ZEB2: variants seen among roughly 807,000 people sequenced by gnomAD.
ZEB2 encodes the protein zinc finger E-box-binding homeobox 2.
ZEB2 carries 6 observed loss-of-function variants against 99.9 expected under a neutral mutation model. That is an observed-to-expected ratio of 0.06 (90% CI 0.03 to 0.12). The LOEUF is 0.12. ZEB2 is among the 10% of genes least tolerant of loss of function. The pLI is 1.00. For missense variants in ZEB2, 969 were observed against 1,502.8 expected, an observed-to-expected ratio of 0.64 and a Z score of 5.87; for synonymous variants, 517 against 542.5, an observed-to-expected ratio of 0.95 and a Z score of 0.65.
At chr2:144,407,907 A>G (rs974280000) in intron 4 of ZEB2, among the ~76,000 whole-genome samples, 2 of 152,236 alleles carry the variant, frequency 1.3e-5, no homozygotes, top group African/African-American at 4.8e-5. Flanking sequence ...CTATCTTTGC[A>G]TGAATTTTCA....
chr2:144,433,930 C>T (rs2149892988), intron 2 of ZEB2, among the ~76,000 whole-genome samples: 2 of 152,302 alleles, frequency 1.3e-5, no homozygotes, highest in Admixed American at 1.3e-4. Flanking sequence ...AATGGCCTAT[C>T]ATAGCATTTA....
chr2:144,390,463 T>A (rs1703141408), intron 9 of ZEB2: 2 of 291,222 alleles, frequency 6.9e-6, no homozygotes, highest in Admixed American at 1.0e-4. Context: ...GGCATGTATA[T>A]CCTCTGCTTG....
chr2:144,512,722 A>G, intron 2 of ZEB2: 1 of 1,287,178 alleles, frequency 7.8e-7, no homozygotes, highest in Non-Finnish European at 1.0e-6. Context: ...GCATGTTTCT[A>G]CCCCAATTGG....
At position 144,417,021 on chromosome 2, in the gene ZEB2, C is replaced by T. The variant is rs112176445; in HGVS notation, c.403+7775G>A. Among the ~76,000 whole-genome samples, 493 of 152,314 alleles carry T rather than the reference C, an allele frequency of 3.2e-3. 1 individual carries two copies. Among genetic ancestry groups the T allele is most frequent in the Middle Eastern group, 6.8e-3 (2 of 294 alleles). On this transcript the variant is annotated intron_variant, in intron 4 of 9. Coordinates refer to ENST00000627532, the MANE Select transcript of ZEB2 (RefSeq NM_014795.4). ...CGCTAACGTTGCACTAAATATTTTA[C>T]ATGCATTTCGTATTCGTCTACCACT...
chr2:144,429,005 A>G (rs2149890775), intron 3 of ZEB2: 1 of 152,352 alleles, frequency 6.6e-6, no homozygotes, highest in South Asian at 2.1e-4. Context: ...CACAGGAATA[A>G]GATTTCTTGT....
chr2:144,444,294 A>C (rs1197209287), intron 2 of ZEB2, among the ~76,000 whole-genome samples: 1 of 152,214 alleles, frequency 6.6e-6, no homozygotes, highest in Admixed American at 6.5e-5. Context: ...TTAGAATACT[A>C]TACACAAACT....
rs942169356 is a variant in ZEB2 at position 144,412,099 on chromosome 2, A to C, written c.404-7075T>G. 2.6e-5 allele frequency among the ~76,000 whole-genome samples: 4 copies of C among 152,202 alleles called. No homozygotes were observed. The South Asian group carries it at 8.3e-4, about 31-fold the overall frequency. On this transcript the variant is annotated intron_variant, in intron 4 of 9. Coordinates refer to ENST00000627532, the MANE Select transcript of ZEB2 (RefSeq NM_014795.4). ...AGCCTGACCAACATGGAGAAACACC[A>C]TCTCTACTAAAAATACAAAATTAGC... is the stretch of plus-strand genomic sequence containing the variant.
intron 2 of ZEB2, chr2:144,511,303 A>ATCTTT: frequency 1.1e-6 from 1 of 876,024 alleles, no homozygotes; most frequent in Non-Finnish European, 1.5e-6. Context: ...ACACGCATGG[A>ATCTTT]TGGCTTTTCT....
chr2:144,511,630 T>A (rs762373427), intron 2 of ZEB2: 1 of 1,286,728 alleles, frequency 7.8e-7, no homozygotes. Context: ...TTCAATAGAT[T>A]TTCCAAGTGG....
intron 2 of ZEB2, among the ~76,000 whole-genome samples, chr2:144,459,099 AC>A (rs1411741385): frequency 6.6e-6 from 1 of 152,182 alleles, no homozygotes; most frequent in Non-Finnish European, 1.5e-5. Context: ...CATAGCATAC[AC>A]AAATAGAAAT....
At chr2:144,473,569 T>C (rs532347355) in intron 2 of ZEB2, among the ~76,000 whole-genome samples, 2 of 152,224 alleles carry the variant, frequency 1.3e-5, no homozygotes, top group East Asian at 1.9e-4. Flanking sequence ...AGTAGTCTAG[T>C]AGCTGAAATA....
chr2:144,443,190 A>AT (rs1350121148), intron 2 of ZEB2, among the ~76,000 whole-genome samples: 6 of 152,160 alleles, frequency 3.9e-5, no homozygotes, highest in Non-Finnish European at 7.4e-5. Flanking sequence ...TAATTTAAAA[A>AT]TAAATCTTAA....
intron 2 of ZEB2, among the ~76,000 whole-genome samples, chr2:144,446,710 CACCGT>C (rs1703989994): frequency 6.6e-6 from 1 of 151,850 alleles, no homozygotes; most frequent in Non-Finnish European, 1.5e-5. Flanking sequence ...GACTCATGGG[CACCGT>C]ACCAAAGACT....
intron 2 of ZEB2, among the ~76,000 whole-genome samples, chr2:144,489,746 A>T (rs944723310): frequency 2.0e-4 from 30 of 152,378 alleles, no homozygotes; most frequent in Non-Finnish European, 4.0e-4. Context: ...AAACACAAAC[A>T]GGGCACGTTC....
chr2:144,485,775 C>T (rs916874013), intron 2 of ZEB2, among the ~76,000 whole-genome samples: 16 of 152,018 alleles, frequency 1.1e-4, no homozygotes, highest in African/African-American at 3.4e-4. Flanking sequence ...CTCGCCACCA[C>T]GCCCGGCTAA....
chr2:144,422,534 A>G (rs950726359), intron 4 of ZEB2, among the ~76,000 whole-genome samples: 7 of 152,188 alleles, frequency 4.6e-5, no homozygotes, highest in Non-Finnish European at 1.0e-4. Context: ...GCGCAGTGGC[A>G]CATGCCTGTA....
intron 4 of ZEB2, among the ~76,000 whole-genome samples, chr2:144,412,916 T>C (rs1196091311): frequency 6.6e-6 from 1 of 152,224 alleles, no homozygotes; most frequent in African/African-American, 2.4e-5. Flanking sequence ...GCACCTAGCA[T>C]AGTGCCTGGG....
At chr2:144,407,755 G>A (rs1703408285) in intron 4 of ZEB2, among the ~76,000 whole-genome samples, 1 of 152,296 alleles carries the variant, frequency 6.6e-6, no homozygotes, top group East Asian at 1.9e-4. Context: ...AATGGTTTAT[G>A]TTAAGGGTTA....
chr2:144,452,963 T>C (rs1344055375), intron 2 of ZEB2, among the ~76,000 whole-genome samples: 4 of 150,226 alleles, frequency 2.7e-5, no homozygotes, highest in African/African-American at 1.0e-4. Context: ...TTCAAGTAAA[T>C]CCTGATAAGG....
Sources: allele counts gnomAD v4.1 joint callset (sites outside exome capture counted in the v4.1 genomes callset), GRCh38; gene constraint gnomAD v4.1.1; transcripts MANE v1.5; gene names NCBI Gene and HGNC (gene_info 2026-07-23, HGNC 2026-07-21).